Variants in CDKAL1 observed in about 807,000 individuals in gnomAD.
CDKAL1 encodes threonylcarbamoyladenosine tRNA methylthiotransferase.
CDKAL1 carries 32 observed loss-of-function variants against 68.2 expected under a neutral mutation model. The ratio of observed to expected loss-of-function variants is 0.47; its 90% CI spans 0.35 to 0.63. CDKAL1 has a LOEUF of 0.63. Ranked by LOEUF, CDKAL1 falls within the 30% of genes least tolerant of loss-of-function variation. The pLI, the probability that CDKAL1 is intolerant of heterozygous loss-of-function variation, is 0.00. For synonymous variants in CDKAL1, 234 were observed against 244.3 expected, an observed-to-expected ratio of 0.96 and a Z score of 0.39; for missense variants, 606 against 696.7, an observed-to-expected ratio of 0.87 and a Z score of 1.47.
At chr6:20,771,478 A>T (rs779267872) in intron 7 of CDKAL1, among the ~76,000 whole-genome samples, 1 of 152,212 alleles carries the variant, frequency 6.6e-6, no homozygotes, top group Non-Finnish European at 1.5e-5. Flanking sequence ...AAAATTCCCC[A>T]GCCTTTACTG....
Position 21,166,125 on chromosome 6 carries a change from G to A in CDKAL1, c.1300-31896G>A, listed in dbSNP as rs116694691. On this transcript the variant is annotated intron_variant, in intron 13 of 15. Transcript: ENST00000274695. The stretch of plus-strand genomic sequence containing the variant: ...TCAGAACAGAGCCAGTACAGAATTA[G>A]CATTCATATTGTTAGGAGTTGACCT... Among the ~76,000 whole-genome samples the A allele has an allele frequency of 5.8e-3, 882 of 152,286 alleles. 9 individuals carry two copies. The highest frequency in any genetic ancestry group is 0.018 in the African/African-American group (758 of 41,568).
chr6:20,539,452 T>TA lies in CDKAL1; in HGVS notation c.-6+4065dup, dbSNP rs2127645102. ...AAGCAGATGATTAAATGCTACAGTT[T>TA]AAAAAAAGGCAGGAAAGGGGCATAG... On this transcript the variant is annotated intron_variant, in intron 2 of 15. Coordinates refer to ENST00000274695, the MANE Select transcript of CDKAL1 (RefSeq NM_017774.3). This position sits in a 1 kb window ranked among gnomAD's most constrained non-coding sequence, Gnocchi z 4.3. 6.6e-6 allele frequency among the ~76,000 whole-genome samples: 1 copy of TA among 152,142 alleles called. No homozygotes were observed. Among genetic ancestry groups the TA allele is most frequent in the South Asian group, 2.1e-4 (1 of 4,804 alleles).
intron 4 of CDKAL1, among the ~76,000 whole-genome samples, chr6:20,611,821 G>A (rs34877824): frequency 0.26 from 40,136 of 151,850 alleles, 6,190 homozygotes; most frequent in East Asian, 0.53. Context: ...CACCCTACTC[G>A]GCTATCAAAC....
At chr6:20,764,177 C>A (rs1485119976) in intron 7 of CDKAL1, among the ~76,000 whole-genome samples, 1 of 152,094 alleles carries the variant, frequency 6.6e-6, no homozygotes, top group African/African-American at 2.4e-5. Flanking sequence ...ATAATCTTAT[C>A]TTTGTGGAAA....
chr6:20,735,885 T>G (rs1773170205), intron 5 of CDKAL1, among the ~76,000 whole-genome samples: 1 of 152,228 alleles, frequency 6.6e-6, no homozygotes, highest in African/African-American at 2.4e-5. Context: ...TAGAAATGTT[T>G]GTACACCTCT....
intron 4 of CDKAL1, among the ~76,000 whole-genome samples, chr6:20,640,130 A>G (rs1768102958): frequency 6.6e-6 from 1 of 152,202 alleles, no homozygotes; most frequent in Non-Finnish European, 1.5e-5. Context: ...GCACACTTAA[A>G]ATGTTTGGAC....
chr6:21,155,545 T>G (rs1199599963), intron 13 of CDKAL1, among the ~76,000 whole-genome samples: 2 of 152,230 alleles, frequency 1.3e-5, no homozygotes, highest in Non-Finnish European at 2.9e-5. Flanking sequence ...TATCACTTAG[T>G]ACATTTTCTG....
chr6:21,231,425 C>CTTTG lies in CDKAL1; in HGVS notation c.*390_*393dup, dbSNP rs1462417083. ...ATTTTCTATCTTTAATAAACTTTTT[C>CTTTG]TTTGTTTTTTTTTTCCAGATGGAGT... On this transcript the variant is annotated 3_prime_UTR_variant, in exon 16 of 16. Coordinates refer to ENST00000274695, the MANE Select transcript of CDKAL1 (RefSeq NM_017774.3). The CTTTG allele has an allele frequency of 6.4e-6, 1 of 157,212 alleles. No individual in the cohort carries two copies. The highest frequency in any genetic ancestry group is 2.4e-5 in the African/African-American group (1 of 41,562). The allele number at this position is 157,212 out of a possible 1,614,324, so 9.7% of individuals were successfully genotyped here. A position where few individuals can be genotyped will look rare whatever the true frequency, so the allele number is the denominator to read the frequency against.
rs558096540 is a variant in CDKAL1 at position 20,678,340 on chromosome 6, G to A, written c.371+28963G>A. Among the ~76,000 whole-genome samples, 8 of 152,024 alleles carry A rather than the reference G, an allele frequency of 5.3e-5. No homozygotes were observed. In the East Asian group the frequency reaches 1.4e-3, roughly 26 times the overall value. On this transcript the variant is annotated intron_variant, in intron 5 of 15. Coordinates refer to ENST00000274695, the MANE Select transcript of CDKAL1 (RefSeq NM_017774.3). ...TTTCATATTTATTCAATTTTGGCTT[G>A]GATTATTCTTTGTATGTTACTCCTT...
At chr6:20,738,705 C>T (rs1773310112) in intron 5 of CDKAL1, among the ~76,000 whole-genome samples, 1 of 151,974 alleles carries the variant, frequency 6.6e-6, no homozygotes, top group Admixed American at 6.6e-5. Flanking sequence ...CGCGATGTTG[C>T]CCAGGCTGGT....
At chr6:21,203,166 C>A (rs1282846135) in intron 15 of CDKAL1, among the ~76,000 whole-genome samples, 1 of 146,456 alleles carries the variant, frequency 6.8e-6, no homozygotes, top group East Asian at 2.1e-4. Context: ...CGTCCCACAT[C>A]AGCTTCCTGA....
chr6:21,205,799 G>A (rs1328896113), intron 15 of CDKAL1, among the ~76,000 whole-genome samples: 1 of 146,906 alleles, frequency 6.8e-6, no homozygotes, highest in Non-Finnish European at 1.5e-5. Flanking sequence ...CCAAAGTGCT[G>A]GGATTACATG....
chr6:20,842,287 T>TCTG (rs1778203434), intron 8 of CDKAL1, among the ~76,000 whole-genome samples: 1 of 152,198 alleles, frequency 6.6e-6, no homozygotes, highest in Non-Finnish European at 1.5e-5. Context: ...TCTCTTCTTT[T>TCTG]TAAAGCTAAG....
chr6:20,962,205 T>C (rs919660865), intron 10 of CDKAL1, among the ~76,000 whole-genome samples: 2 of 152,268 alleles, frequency 1.3e-5, no homozygotes, highest in African/African-American at 2.4e-5. Context: ...ATTGATATTA[T>C]GCTACATTTT....
chr6:20,789,163 C>T (rs1308547042), intron 8 of CDKAL1, among the ~76,000 whole-genome samples: 5 of 152,156 alleles, frequency 3.3e-5, no homozygotes, highest in African/African-American at 9.6e-5. Flanking sequence ...TTGTGAACTG[C>T]GTTTTTACTC....
At chr6:20,901,950 A>G (rs1762005100) in intron 9 of CDKAL1, among the ~76,000 whole-genome samples, 1 of 151,702 alleles carries the variant, frequency 6.6e-6, no homozygotes, top group African/African-American at 2.4e-5. Context: ...CTAATTTTGT[A>G]TTTTTAGTAG....
intron 13 of CDKAL1, among the ~76,000 whole-genome samples, chr6:21,191,992 C>CCTT (rs1778261718): frequency 2.9e-5 from 1 of 34,516 alleles, no homozygotes; most frequent in Non-Finnish European, 5.5e-5. Context: ...ATTCATTTTT[C>CCTT]TTTTTTTTTT....
chr6:20,805,065 G>A (rs1216301006), intron 8 of CDKAL1, among the ~76,000 whole-genome samples: 1 of 152,166 alleles, frequency 6.6e-6, no homozygotes, highest in African/African-American at 2.4e-5. Context: ...GGGATTCTGA[G>A]TCTCTAATGA....
chr6:20,860,594 T>C (rs934236531), intron 9 of CDKAL1, among the ~76,000 whole-genome samples: 4 of 151,920 alleles, frequency 2.6e-5, no homozygotes, highest in Admixed American at 2.6e-4. Context: ...GGAGGCCAAG[T>C]GGGGGCAGAT....
Sources: gnomAD v4.1 joint callset for allele counts (sites outside exome capture counted in the v4.1 genomes callset) on GRCh38, gnomAD v4.1.1 for gene constraint, Gnocchi (gnomAD v3.1) non-coding constraint, MANE v1.5 for transcripts, NCBI Gene and HGNC (gene_info 2026-07-23, HGNC 2026-07-21) for gene names.